ZBBX: variants seen among roughly 807,000 people sequenced by gnomAD.
ZBBX encodes zinc finger B-box domain containing, also known as zinc finger B-box domain-containing protein 1.
In ZBBX, 101 loss-of-function variants were observed where a neutral mutation model predicts 108.5. The ratio of observed to expected loss-of-function variants is 0.93; its 90% CI spans 0.79 to 1.10. ZBBX has a LOEUF of 1.10. Ranked by LOEUF, ZBBX falls within the 50% of genes least tolerant of loss-of-function variation. The pLI is 0.00. For missense variants in ZBBX, 1,009 were observed against 941.4 expected (o/e 1.07, Z -0.94); for synonymous variants, 356 against 323.4 (o/e 1.10, Z -1.08).
In ZBBX at chr3:167,328,243, A is replaced by G. The variant is rs1047883799; in HGVS notation, c.688-127T>C. On this transcript the variant is annotated intron_variant, in intron 10 of 21. Transcript: ENST00000675490. Reference sequence around the variant, plus strand: ...CTAATTATTAGTCATCACAAATCAGACTTTTTAAACTTAGAATATTTTTAA... The same window carrying G: ...CTAATTATTAGTCATCACAAATCAGGCTTTTTAAACTTAGAATATTTTTAA... 28 of 906,184 alleles carry G rather than the reference A, an allele frequency of 3.1e-5. No individual in the cohort carries two copies. The African/African-American group carries it at 4.6e-4, about 15-fold the overall frequency. 56.1% of individuals were successfully genotyped at this position (906,184 alleles called of 1,614,324 possible).
At chr3:167,195,750 C>T in the ZBBX span, among the ~76,000 whole-genome samples, 30 of 152,134 alleles carry the variant, frequency 2.0e-4, no homozygotes, top group African/African-American at 6.8e-4. Flanking sequence ...TTTATAACGG[C>T]CTAAAGAAAG....
chr3:167,386,904 G>T (rs1747938279), intron 1 of ZBBX, among the ~76,000 whole-genome samples: 1 of 152,012 alleles, frequency 6.6e-6, no homozygotes, highest in South Asian at 2.1e-4. Flanking sequence ...ATGTCTAACA[G>T]TAATTTTCTT....
intron 17 of ZBBX, among the ~76,000 whole-genome samples, chr3:167,300,736 A>G (rs1732512360): frequency 6.6e-6 from 1 of 150,924 alleles, no homozygotes; most frequent in Non-Finnish European, 1.5e-5. Context: ...CAGCCTCCTG[A>G]GTAGTTGGGT....
intron 1 of ZBBX, among the ~76,000 whole-genome samples, chr3:167,395,774 T>C (rs1748215971): frequency 1.3e-5 from 2 of 151,990 alleles, no homozygotes; most frequent in Non-Finnish European, 2.9e-5. Flanking sequence ...TTTTTGTCTA[T>C]GCATATCATA....
intron 2 of ZBBX, among the ~76,000 whole-genome samples, chr3:167,379,109 A>G (rs1353032160): frequency 6.6e-6 from 1 of 151,968 alleles, no homozygotes; most frequent in African/African-American, 2.4e-5. Context: ...TGCACAACCT[A>G]CCCTACGGAA....
rs535961563 is a variant in ZBBX, at chr3:167,390,381, C to A, written c.-445-9976G>T. ...GGTTACCATAGCCTTTGTAGTATAC[C>A]ATAGACTTGTAGTATAGTTTGAAGT... On this transcript the variant is annotated intron_variant, in intron 1 of 21. Coordinates refer to the ZBBX transcript ENST00000455345. Among the ~76,000 whole-genome samples the A allele has an allele frequency of 2.0e-4, 31 of 151,640 alleles. 1 individual carries two copies. The highest frequency in any genetic ancestry group is 7.2e-4 in the African/African-American group (30 of 41,398).
chr3:167,326,001 A>G (rs1737320089), intron 11 of ZBBX, among the ~76,000 whole-genome samples: 1 of 152,190 alleles, frequency 6.6e-6, no homozygotes, highest in Non-Finnish European at 1.5e-5. Flanking sequence ...GACAATATTC[A>G]TTAAAATTTT....
intron 19 of ZBBX, among the ~76,000 whole-genome samples, chr3:167,283,156 C>A (rs1376404102): frequency 6.6e-6 from 1 of 152,144 alleles, no homozygotes; most frequent in Non-Finnish European, 1.5e-5. Context: ...AGGACAGTCG[C>A]TACTTTGTCT....
chr3:167,247,102 G>A (rs1420540795), intron 20 of ZBBX, among the ~76,000 whole-genome samples: 2 of 152,140 alleles, frequency 1.3e-5, no homozygotes, highest in Non-Finnish European at 2.9e-5. Flanking sequence ...CACAAATGTT[G>A]CATTTCCCAA....
chr3:167,382,765 A>C (rs899382963), upstream of ZBBX, among the ~76,000 whole-genome samples: 1 of 152,112 alleles, frequency 6.6e-6, no homozygotes, highest in Non-Finnish European at 1.5e-5. Flanking sequence ...CTTATCATTA[A>C]CTATTGATAA....
the ZBBX span, among the ~76,000 whole-genome samples, chr3:167,222,864 C>T: frequency 3.3e-5 from 5 of 151,758 alleles, no homozygotes; most frequent in African/African-American, 1.2e-4. Flanking sequence ...GAATAAAGTC[C>T]AATGTTTTAT....
At chr3:167,284,205 T>C (rs1474511542) in intron 19 of ZBBX, among the ~76,000 whole-genome samples, 1 of 150,316 alleles carries the variant, frequency 6.7e-6, no homozygotes, top group Non-Finnish European at 1.5e-5. Context: ...TATATATATA[T>C]AATTATCCCT....
chr3:167,370,522 T>C (rs1746003145), intron 4 of ZBBX, among the ~76,000 whole-genome samples: 1 of 152,158 alleles, frequency 6.6e-6, no homozygotes, highest in African/African-American at 2.4e-5. Flanking sequence ...ACAAATATGA[T>C]TGTGTCACTC....
intron 19 of ZBBX, among the ~76,000 whole-genome samples, chr3:167,287,993 C>T (rs1730002232): frequency 6.6e-6 from 1 of 152,068 alleles, no homozygotes; most frequent in Non-Finnish European, 1.5e-5. Context: ...TGAAGATAGC[C>T]TTTAAACCAA....
chr3:167,363,167 TGTACCACTG>T (rs1240199006), intron 6 of ZBBX, among the ~76,000 whole-genome samples: 1 of 152,002 alleles, frequency 6.6e-6, no homozygotes, highest in Non-Finnish European at 1.5e-5. Context: ...CCAATATCTA[TGTACCACTG>T]TGATAAAAAT....
chr3:167,274,370 A>C (rs1339939855), intron 20 of ZBBX, among the ~76,000 whole-genome samples: 1 of 152,222 alleles, frequency 6.6e-6, no homozygotes, highest in African/African-American at 2.4e-5. Context: ...GCTTATAAAG[A>C]CAACACTCAC....
intron 6 of ZBBX, among the ~76,000 whole-genome samples, chr3:167,364,100 C>G (rs554447629): frequency 6.6e-6 from 1 of 151,202 alleles, no homozygotes; most frequent in Non-Finnish European, 1.5e-5. Context: ...CATTTGGGGC[C>G]GAATAATTCT....
the ZBBX span, among the ~76,000 whole-genome samples, chr3:167,180,366 AT>A: frequency 6.6e-6 from 1 of 152,214 alleles, no homozygotes; most frequent in East Asian, 1.9e-4. Flanking sequence ...TTTGAAAGTC[AT>A]TTAATGTTTT....
intron 18 of ZBBX, among the ~76,000 whole-genome samples, chr3:167,289,721 G>A (rs183137598): frequency 1.4e-4 from 22 of 152,246 alleles, no homozygotes; most frequent in Admixed American, 2.6e-4. Flanking sequence ...TCTCATACCC[G>A]AGTGGCACCT....
Sources: gnomAD v4.1 joint callset for allele counts (sites outside exome capture counted in the v4.1 genomes callset) on GRCh38, gnomAD v4.1.1 for gene constraint, MANE v1.5 for transcripts, NCBI Gene and HGNC (gene_info 2026-07-23, HGNC 2026-07-21) for gene names.